The following ZNF423 variants were observed in gnomAD, a reference collection of about 807,000 sequenced individuals.
ZNF423 encodes the protein Ebf-associated zinc finger protein.
ZNF423 carries 12 observed loss-of-function variants against 95.8 expected under a neutral mutation model. That is an observed-to-expected ratio of 0.13 (90% CI 0.08 to 0.20). ZNF423 has a LOEUF of 0.20. ZNF423 is among the 10% of genes least tolerant of loss of function. The probability of loss-of-function intolerance (pLI) is 1.00; values close to 1 mark genes in which losing one functional copy is unlikely to be tolerated. For missense variants in ZNF423, 1,316 were observed against 1,737.1 expected (o/e 0.76, Z 4.31); for synonymous variants, 749 against 711.9 (o/e 1.05, Z -0.83).
chr16:49,654,588 G>A (rs1357608281), intron 3 of ZNF423, among the ~76,000 whole-genome samples: 1 of 152,246 alleles, frequency 6.6e-6, no homozygotes, highest in Non-Finnish European at 1.5e-5. Context: ...TGGGAGGCAG[G>A]AGCACTCAAA....
At chr16:49,627,036 T>C (rs111167413) in intron 4 of ZNF423, among the ~76,000 whole-genome samples, 22 of 70,986 alleles carry the variant, frequency 3.1e-4, no homozygotes, top group South Asian at 7.6e-4. Flanking sequence ...CATCTACATA[T>C]ACACCCACCA....
chr16:49,625,160 C>T (rs569143161), intron 5 of ZNF423, among the ~76,000 whole-genome samples: 76 of 152,248 alleles, frequency 5.0e-4, no homozygotes, highest in African/African-American at 1.8e-3. Flanking sequence ...GGGTGGATCA[C>T]GAGGTCAGGA....
At chr16:49,510,944 C>T (rs1305635191) in intron 7 of ZNF423, among the ~76,000 whole-genome samples, 1 of 152,240 alleles carries the variant, frequency 6.6e-6, no homozygotes, top group Non-Finnish European at 1.5e-5. Context: ...TGGTTGGCCC[C>T]CTGCCCTAGG....
At chr16:49,619,650 A>T (rs1466824332) in intron 5 of ZNF423, among the ~76,000 whole-genome samples, 2 of 152,162 alleles carry the variant, frequency 1.3e-5, no homozygotes, top group African/African-American at 4.8e-5. Flanking sequence ...ATTCTGACAG[A>T]ACAGTTCCAG....
chr16:49,561,419 C>T (rs1162627896), intron 5 of ZNF423, among the ~76,000 whole-genome samples: 1 of 152,140 alleles, frequency 6.6e-6, no homozygotes, highest in Non-Finnish European at 1.5e-5. Context: ...TACATATATG[C>T]ACCAGATACA....
chr16:49,559,616 G>C (rs1273616369), intron 5 of ZNF423, among the ~76,000 whole-genome samples: 1 of 152,206 alleles, frequency 6.6e-6, no homozygotes, highest in Non-Finnish European at 1.5e-5. Context: ...AAGAGTTGAT[G>C]ACAACATGTT....
At chr16:49,562,013 CAGT>C (rs1970032210) in intron 5 of ZNF423, among the ~76,000 whole-genome samples, 1 of 152,160 alleles carries the variant, frequency 6.6e-6, no homozygotes, top group Non-Finnish European at 1.5e-5. Context: ...GACTAGACAA[CAGT>C]AGTGAGTGGC....
chr16:49,704,890 C>T (rs1351534463), intron 3 of ZNF423, among the ~76,000 whole-genome samples: 1 of 152,202 alleles, frequency 6.6e-6, no homozygotes, highest in Non-Finnish European at 1.5e-5. Flanking sequence ...TGCTCATCAG[C>T]AGCCCCAGGC....
intron 5 of ZNF423, among the ~76,000 whole-genome samples, chr16:49,552,195 T>C (rs548949720): frequency 1.2e-4 from 19 of 152,304 alleles, no homozygotes; most frequent in South Asian, 2.1e-4. Context: ...TTGGCCCCCA[T>C]AGACACAGAG....
intron 3 of ZNF423, among the ~76,000 whole-genome samples, chr16:49,702,592 A>C (rs1337005087): frequency 6.6e-6 from 1 of 152,214 alleles, no homozygotes; most frequent in Non-Finnish European, 1.5e-5. Context: ...CCAGCCCTCA[A>C]GGAGAGGCTG....
At chr16:49,628,074 C>T (rs1972363865) in intron 4 of ZNF423, among the ~76,000 whole-genome samples, 1 of 150,722 alleles carries the variant, frequency 6.6e-6, no homozygotes, top group Non-Finnish European at 1.5e-5. Context: ...TACATACCCA[C>T]CCATCCACCT....
intron 4 of ZNF423, among the ~76,000 whole-genome samples, chr16:49,632,136 C>T (rs1235869995): frequency 6.6e-6 from 1 of 152,188 alleles, no homozygotes; most frequent in Admixed American, 6.5e-5. Context: ...TGGCCAGGGT[C>T]TGCCCGTGCT....
Position 49,626,162 on chromosome 16 carries a change from T to C in ZNF423, c.3601+8A>G, listed in dbSNP as rs1972260005. The C allele has an allele frequency of 1.2e-6, 2 of 1,613,626 alleles. No individual in the cohort carries two copies. The highest frequency in any genetic ancestry group is 2.2e-5 in the East Asian group (1 of 44,890). On this transcript the variant is annotated splice_region_variant and intron_variant, in intron 5 of 7. Transcript: ENST00000563137. ...CTCCAGCATGGCTGGGAGGAAATGC[T>C]CTCTTACCAATCATGTGGTTGGCAA...
intron 3 of ZNF423, among the ~76,000 whole-genome samples, chr16:49,650,440 G>A (rs988346757): frequency 6.6e-6 from 1 of 152,134 alleles, no homozygotes; most frequent in Non-Finnish European, 1.5e-5. Flanking sequence ...TAAGATAAAG[G>A]GGTTCCTAAT....
At chr16:49,619,848 G>T (rs1474318913) in intron 5 of ZNF423, among the ~76,000 whole-genome samples, 2 of 152,138 alleles carry the variant, frequency 1.3e-5, no homozygotes, top group Non-Finnish European at 2.9e-5. Context: ...ATGTTCATGA[G>T]ATTTTCCTCT....
chr16:49,494,154 A>T (rs1304698698), intron 7 of ZNF423, among the ~76,000 whole-genome samples: 1 of 152,220 alleles, frequency 6.6e-6, no homozygotes, highest in East Asian at 1.9e-4. Context: ...ACCTGGGACC[A>T]CTGGTGAGGA....
intron 1 of ZNF423, among the ~76,000 whole-genome samples, chr16:49,823,716 C>T (rs961455189): frequency 2.0e-5 from 3 of 152,036 alleles, no homozygotes; most frequent in Admixed American, 6.6e-5. Context: ...GCGAAGTTAC[C>T]GTGATATGTG....
intron 7 of ZNF423, 142 bp downstream of exon 7, chr16:49,523,482 C>A: frequency 3.0e-6 from 2 of 673,724 alleles, no homozygotes; most frequent in South Asian, 3.7e-5. Flanking sequence ...AAACTCCATG[C>A]CTGCTAGCCA....
At chr16:49,818,670 G>C (rs2034892822) in intron 1 of ZNF423, among the ~76,000 whole-genome samples, 1 of 152,074 alleles carries the variant, frequency 6.6e-6, no homozygotes, top group South Asian at 2.1e-4. Context: ...AGGATCCCTT[G>C]AGGCTAAGAG....
Sources: gnomAD v4.1 joint callset for allele counts (sites outside exome capture counted in the v4.1 genomes callset) on GRCh38, gnomAD v4.1.1 for gene constraint, MANE v1.5 for transcripts, NCBI Gene and HGNC (gene_info 2026-07-23, HGNC 2026-07-21) for gene names.